RSPO2: variants seen among roughly 807,000 people sequenced by gnomAD.
RSPO2 encodes R-spondin-2.
Under a neutral mutation model 30.9 loss-of-function variants are expected in RSPO2, and 14 were observed. The observed-to-expected ratio is 0.45, with a 90% CI of 0.30 to 0.71. RSPO2 has a LOEUF of 0.71. Ranked by LOEUF, RSPO2 falls within the 30% of genes least tolerant of loss-of-function variation. The pLI is 0.08. For missense variants in RSPO2, 264 were observed against 301.9 expected, an observed-to-expected ratio of 0.87 and a Z score of 0.93; for synonymous variants, 107 against 96.4, an observed-to-expected ratio of 1.11 and a Z score of -0.64.
At chr8:107,915,805 G>A (rs1253322419) in intron 5 of RSPO2, among the ~76,000 whole-genome samples, 3 of 152,156 alleles carry the variant, frequency 2.0e-5, no homozygotes, top group African/African-American at 4.8e-5. Context: ...GATGAAAAAT[G>A]TTAATTTGGT....
intron 2 of RSPO2, among the ~76,000 whole-genome samples, chr8:107,998,339 T>G (rs1483432236): frequency 6.6e-6 from 1 of 152,142 alleles, no homozygotes; most frequent in East Asian, 1.9e-4. Context: ...TTGGCAGCAG[T>G]GGTATAAAAA....
intron 2 of RSPO2, among the ~76,000 whole-genome samples, chr8:108,044,581 A>T (rs1811854165): frequency 6.6e-6 from 1 of 152,142 alleles, no homozygotes; most frequent in Non-Finnish European, 1.5e-5. Context: ...CCTGGTATAT[A>T]TGTACCATAT....
intron 5 of RSPO2, among the ~76,000 whole-genome samples, chr8:107,956,490 T>C (rs1236636415): frequency 6.6e-6 from 1 of 151,950 alleles, no homozygotes; most frequent in African/African-American, 2.4e-5. Flanking sequence ...AGTATGTTGT[T>C]GTTGATAACA....
intron 2 of RSPO2, 91 bp from the exon 3 acceptor site, chr8:107,989,335 T>C: frequency 2.5e-6 from 2 of 784,484 alleles, no homozygotes; most frequent in East Asian, 5.9e-5. Context: ...GTTTCTTTTC[T>C]TTCTGCTATA....
At chr8:108,068,482 GGTT>G (rs1215524359) in intron 2 of RSPO2, among the ~76,000 whole-genome samples, 9 of 151,998 alleles carry the variant, frequency 5.9e-5, no homozygotes, top group Admixed American at 2.0e-4. Flanking sequence ...TATTCCACAG[GGTT>G]GTTATGAAAA....
chr8:107,944,089 A>T (rs1436481845), intron 5 of RSPO2, among the ~76,000 whole-genome samples: 1 of 152,204 alleles, frequency 6.6e-6, no homozygotes, highest in African/African-American at 2.4e-5. Context: ...AGTCTTTTGT[A>T]TATTTTCTAA....
chr8:108,066,579 C>T (rs900883059), intron 2 of RSPO2, among the ~76,000 whole-genome samples: 1 of 152,080 alleles, frequency 6.6e-6, no homozygotes, highest in Non-Finnish European at 1.5e-5. Flanking sequence ...TGAAGCTCAC[C>T]CACTGTCCCA....
intron 4 of RSPO2, among the ~76,000 whole-genome samples, 167 bp downstream of exon 4, chr8:107,960,507 A>C (rs936159799): frequency 1.3e-5 from 2 of 152,218 alleles, no homozygotes; most frequent in African/African-American, 4.8e-5. Context: ...ATATGAGACT[A>C]TCCAATTGTC....
At chr8:107,930,549 G>A (rs1161315106) in intron 5 of RSPO2, among the ~76,000 whole-genome samples, 3 of 152,108 alleles carry the variant, frequency 2.0e-5, no homozygotes, top group Non-Finnish European at 4.4e-5. Flanking sequence ...ACACCATATT[G>A]CCACTAGCAT....
chr8:107,954,781 T>A (rs995493719), intron 5 of RSPO2, among the ~76,000 whole-genome samples: 2 of 152,050 alleles, frequency 1.3e-5, no homozygotes, highest in African/African-American at 4.8e-5. Context: ...CAGCTAATTT[T>A]TGTATTTTTA....
At chr8:108,054,991 C>G (rs981218470) in intron 2 of RSPO2, among the ~76,000 whole-genome samples, 2 of 152,016 alleles carry the variant, frequency 1.3e-5, no homozygotes, top group South Asian at 2.1e-4. Flanking sequence ...TGTGGTGGTG[C>G]GTGCCTGTAG....
At chr8:108,044,153 G>GAAA (rs11382572) in intron 2 of RSPO2, among the ~76,000 whole-genome samples, 7 of 142,360 alleles carry the variant, frequency 4.9e-5, no homozygotes, top group African/African-American at 1.0e-4. Flanking sequence ...TCTGTTGTCT[G>GAAA]AAAAAAAAAA....
chr8:107,988,077 AT>A lies in RSPO2; in HGVS notation c.283+978del, dbSNP rs1260212269. Among the ~76,000 whole-genome samples the A allele has an allele frequency of 2.6e-5, 4 of 151,956 alleles. 1 individual carries two copies. Among genetic ancestry groups the A allele is most frequent in the Admixed American group, 2.0e-4 (3 of 15,242 alleles). ...AGAAAGGGATGTTCCTTTGGTATCT[AT>A]TTTTTTAAACCACAATTTCTATGGC... On this transcript the variant is annotated intron_variant, in intron 3 of 5. Coordinates refer to ENST00000276659, the MANE Select transcript of RSPO2 (RefSeq NM_178565.5).
chr8:107,985,596 T>C (rs1371777957), intron 3 of RSPO2, among the ~76,000 whole-genome samples: 3 of 152,226 alleles, frequency 2.0e-5, no homozygotes, highest in African/African-American at 7.2e-5. Flanking sequence ...GTTTTTGTTA[T>C]CTTTTAACTG....
intron 5 of RSPO2, among the ~76,000 whole-genome samples, chr8:107,903,385 A>C (rs1811539827): frequency 6.6e-6 from 1 of 152,120 alleles, no homozygotes; most frequent in African/African-American, 2.4e-5. Context: ...TTGTGAGTTA[A>C]ATATGTACTA....
intron 5 of RSPO2, among the ~76,000 whole-genome samples, chr8:107,931,087 CAT>C (rs1157708464): frequency 6.6e-6 from 1 of 152,106 alleles, no homozygotes; most frequent in East Asian, 1.9e-4. Context: ...GCTATAAAAA[CAT>C]ATGATAGGAA....
rs548238386 is a variant in RSPO2 at position 108,034,832 on chromosome 8, C to T, written c.95-45588G>A. On this transcript the variant is annotated intron_variant, in intron 2 of 5. Coordinates refer to ENST00000276659, the MANE Select transcript of RSPO2 (RefSeq NM_178565.5). ...AATATCAAGAAAAGATGGGTGTGCA[C>T]GCACAGAACACTTAATCTTGTGATA... 5.9e-5 allele frequency among the ~76,000 whole-genome samples: 9 copies of T among 152,274 alleles called. No individual in the cohort carries two copies. The South Asian group carries it at 6.2e-4, about 11-fold the overall frequency.
At chr8:108,040,496 C>T (rs1398963426) in intron 2 of RSPO2, among the ~76,000 whole-genome samples, 3 of 152,192 alleles carry the variant, frequency 2.0e-5, no homozygotes, top group Admixed American at 1.3e-4. Context: ...TCAGCCAATG[C>T]CCAGAGTAAA....
intron 5 of RSPO2, among the ~76,000 whole-genome samples, chr8:107,918,199 C>G (rs1812038303): frequency 6.6e-6 from 1 of 152,106 alleles, no homozygotes; most frequent in African/African-American, 2.4e-5. Context: ...GAGCTATGTA[C>G]AGCATTTTTA....
Sources: gnomAD v4.1 joint callset for allele counts (sites outside exome capture counted in the v4.1 genomes callset) on GRCh38, gnomAD v4.1.1 for gene constraint, MANE v1.5 for transcripts, NCBI Gene and HGNC (gene_info 2026-07-23, HGNC 2026-07-21) for gene names.